The following MAPT variants were observed in gnomAD, a reference collection of about 807,000 sequenced individuals.
MAPT encodes the protein microtubule-associated protein tau.
In MAPT, 34 loss-of-function variants were observed where a neutral mutation model predicts 67.9. The observed-to-expected ratio is 0.50, with a 90% confidence interval of 0.38 to 0.67. MAPT has a LOEUF of 0.67. Among genes scored for constraint, MAPT ranks in the 30% least tolerant of loss-of-function variants. The pLI, the probability that MAPT is intolerant of heterozygous loss-of-function variation, is 0.00. For missense variants in MAPT, 881 were observed against 1,115.2 expected, an observed-to-expected ratio of 0.79 and a Z score of 2.99; for synonymous variants, 456 against 464.5, an observed-to-expected ratio of 0.98 and a Z score of 0.23.
chr17:45,954,033 C>G (rs559650165), intron 1 of MAPT, among the ~76,000 whole-genome samples: 1 of 152,084 alleles, frequency 6.6e-6, no homozygotes, highest in Non-Finnish European at 1.5e-5. Context: ...CGAAGAAATA[C>G]TGGAGAAGCC....
chr17:45,995,071 A>G lies in MAPT; in HGVS notation c.1733-1328A>G, dbSNP rs1316667015. Among the ~76,000 whole-genome samples, 1 of 152,090 alleles carries G rather than the reference A, an allele frequency of 6.6e-6. No homozygotes were observed. Among genetic ancestry groups the G allele is most frequent in the Non-Finnish European group, 1.5e-5 (1 of 68,004 alleles). ...TCAAAAAAAAAACCACAAAAAAACA[A>G]AACAACAACAAAAGAAAACTAGTGC... is the stretch of plus-strand genomic sequence containing the variant. On this transcript the variant is annotated intron_variant, in intron 8 of 12. Transcript: ENST00000262410. This position sits in a 1 kb window ranked among gnomAD's most constrained non-coding sequence, Gnocchi z 4.3.
chr17:45,937,645 A>G (rs542546642), intron 1 of MAPT, among the ~76,000 whole-genome samples: 95 of 151,974 alleles, frequency 6.3e-4, no homozygotes, highest in African/African-American at 2.0e-3. Flanking sequence ...GAAAAGAAAA[A>G]AAAAAAAGAA....
intron 2 of MAPT, among the ~76,000 whole-genome samples, chr17:45,962,744 A>G (rs1205637417): frequency 6.6e-6 from 1 of 152,102 alleles, no homozygotes. Flanking sequence ...TGGGCAACAT[A>G]GCAAGACCCC....
At chr17:45,968,292 A>AG (rs1297959696) in intron 2 of MAPT, among the ~76,000 whole-genome samples, 1 of 152,196 alleles carries the variant, frequency 6.6e-6, no homozygotes, top group Non-Finnish European at 1.5e-5. Flanking sequence ...AAAAGGAGGA[A>AG]GGGGAGCTGG....
chr17:45,955,283 C>A (rs2069511675), intron 1 of MAPT, among the ~76,000 whole-genome samples: 1 of 152,220 alleles, frequency 6.6e-6, no homozygotes, highest in African/African-American at 2.4e-5. Flanking sequence ...TCCCTGACCC[C>A]AACCCGATTT....
intron 1 of MAPT, among the ~76,000 whole-genome samples, chr17:45,949,564 G>A (rs1000398000): frequency 6.6e-6 from 1 of 152,180 alleles, no homozygotes; most frequent in Non-Finnish European, 1.5e-5. Flanking sequence ...CCCTAAAAAG[G>A]TTTCTGAACG....
At chr17:45,963,747 G>T (rs2070721081) in intron 2 of MAPT, among the ~76,000 whole-genome samples, 1 of 152,156 alleles carries the variant, frequency 6.6e-6, no homozygotes. Flanking sequence ...GAGTGGGTGG[G>T]GTCTCTGGGA....
At chr17:45,922,333 A>G (rs1227547819) in intron 1 of MAPT, among the ~76,000 whole-genome samples, 2 of 152,096 alleles carry the variant, frequency 1.3e-5, no homozygotes, top group African/African-American at 4.8e-5. Context: ...GCCATCTTTT[A>G]ACTAGGGATG....
intron 9 of MAPT, among the ~76,000 whole-genome samples, chr17:46,004,928 T>C (rs753575787): frequency 1.5e-4 from 23 of 152,240 alleles, no homozygotes; most frequent in Non-Finnish European, 1.5e-4. Flanking sequence ...GGACTGCAGG[T>C]GCCCGCCACC....
intron 1 of MAPT, among the ~76,000 whole-genome samples, chr17:45,927,415 T>A (rs750546134): frequency 6.6e-6 from 1 of 152,052 alleles, no homozygotes; most frequent in Non-Finnish European, 1.5e-5. Flanking sequence ...GTTTCAGGTG[T>A]GCTAATTCAG....
intron 1 of MAPT, among the ~76,000 whole-genome samples, chr17:45,924,185 C>T (rs1043361199): frequency 7.9e-5 from 12 of 151,924 alleles, no homozygotes; most frequent in African/African-American, 2.9e-4. Context: ...AGAAGGCAGC[C>T]CCCCAGACTC....
chr17:45,932,345 C>T (rs1229535013), intron 1 of MAPT, among the ~76,000 whole-genome samples: 1 of 151,762 alleles, frequency 6.6e-6, no homozygotes, highest in Non-Finnish European at 1.5e-5. Context: ...AATCCCAGGA[C>T]TTTGGGAGGC....
rs568215670 is a variant in MAPT, at chr17:46,024,412, T to A, written c.*241T>A. ...ATGGGTGGGCTAGTAATAAAATATT[T>A]AAAAAAAAACATTCAAAAACATGGC... is the stretch of plus-strand genomic sequence containing the variant. On this transcript the variant is annotated 3_prime_UTR_variant, in exon 13 of 13. Coordinates refer to ENST00000262410, the MANE Select transcript of MAPT (RefSeq NM_001377265.1). The A allele has an allele frequency of 4.4e-5, 25 of 569,488 alleles. No individual in the cohort carries two copies. Among genetic ancestry groups the A allele is most frequent in the South Asian group, 1.5e-4 (7 of 46,672 alleles). 35.3% of individuals were successfully genotyped at this position (569,488 alleles called of 1,614,324 possible). A position where few individuals can be genotyped will look rare whatever the true frequency, so the allele number is the denominator to read the frequency against.
chr17:46,001,637 T>C (rs1269505551), intron 9 of MAPT, among the ~76,000 whole-genome samples: 3 of 152,196 alleles, frequency 2.0e-5, no homozygotes, highest in Non-Finnish European at 4.4e-5. Flanking sequence ...CACCCTAGCC[T>C]GGGCAACACA....
At position 46,027,617 on chromosome 17, in the gene MAPT, C is replaced by T. The variant is rs145133090; in HGVS notation, c.*3446C>T. The T allele has an allele frequency of 2.0e-5, 3 of 152,212 alleles. No individual in the cohort carries two copies. The highest frequency in any genetic ancestry group is 7.2e-5 in the African/African-American group (3 of 41,508). The allele number at this position is 152,212 out of a possible 1,614,324, so 9.4% of individuals were successfully genotyped here. A position where few individuals can be genotyped will look rare whatever the true frequency, so the allele number is the denominator to read the frequency against. ...TTGGGGTGCAGCACTTAAACTGCCT[C>T]GTAACCCTTTTCATGATTTCAACCA... On this transcript the variant is annotated 3_prime_UTR_variant, in exon 13 of 13. Transcript: ENST00000262410.
chr17:45,968,631 A>T (rs1379484292), intron 2 of MAPT, among the ~76,000 whole-genome samples: 4 of 152,358 alleles, frequency 2.6e-5, no homozygotes, highest in African/African-American at 2.4e-5. Flanking sequence ...GACCAGAGCC[A>T]CTTTGTCCAT....
chr17:45,939,509 T>C (rs188820763), intron 1 of MAPT, among the ~76,000 whole-genome samples: 31 of 152,342 alleles, frequency 2.0e-4, no homozygotes, highest in Admixed American at 1.7e-3. Context: ...TAGATGTTTG[T>C]TGTCCTTTGG....
intron 1 of MAPT, among the ~76,000 whole-genome samples, chr17:45,948,263 T>C (rs1448060055): frequency 6.6e-6 from 1 of 152,046 alleles, no homozygotes; most frequent in East Asian, 1.9e-4. Flanking sequence ...ACCTTGGCCT[T>C]CCAAAATACT....
chr17:45,999,632 G>C, intron 9 of MAPT: 2 of 1,610,872 alleles, frequency 1.2e-6, no homozygotes, highest in Non-Finnish European at 8.5e-7. Context: ...CTGCCCATGA[G>C]GGGTGAGAGT....
Sources: gnomAD v4.1 joint callset for allele counts (sites outside exome capture counted in the v4.1 genomes callset) on GRCh38, gnomAD v4.1.1 for gene constraint, Gnocchi (gnomAD v3.1) non-coding constraint, MANE v1.5 for transcripts, NCBI Gene and HGNC (gene_info 2026-07-23, HGNC 2026-07-21) for gene names.